Variants in BANK1 observed in about 807,000 individuals in gnomAD.
BANK1 encodes B-cell scaffold protein with ankyrin repeats.
A neutral mutation model predicts 94.5 loss-of-function variants in BANK1; 95 were observed. That is an observed-to-expected ratio of 1.00 (90% confidence interval 0.85 to 1.19). BANK1 has a LOEUF of 1.19. Ranked by LOEUF, BANK1 falls within the 50% of genes most tolerant of loss-of-function variation. The pLI is 0.00. For missense variants in BANK1, 987 were observed against 932.2 expected (o/e 1.06, Z -0.77); for synonymous variants, 334 against 308.4 (o/e 1.08, Z -0.87).
At chr4:101,992,907 A>T (rs1357224726) in intron 7 of BANK1, among the ~76,000 whole-genome samples, 3 of 152,192 alleles carry the variant, frequency 2.0e-5, no homozygotes, top group African/African-American at 7.2e-5. Context: ...TCTGTCGCCC[A>T]GAACTGAGGG....
chr4:101,926,156 C>G (rs958362700), intron 7 of BANK1, among the ~76,000 whole-genome samples: 8 of 151,584 alleles, frequency 5.3e-5, no homozygotes, highest in Non-Finnish European at 1.0e-4. Flanking sequence ...CTACTAGTAT[C>G]ATGAAATGGT....
In BANK1 at chr4:102,074,318, T is replaced by A. The variant is rs916453024; in HGVS notation, c.*319T>A. 3 of 152,164 alleles carry A rather than the reference T, an allele frequency of 2.0e-5. No homozygotes were observed. The highest frequency in any genetic ancestry group is 2.0e-4 in the Admixed American group (3 of 15,268). The allele number at this position is 152,164 out of a possible 1,614,324, so 9.4% of individuals were successfully genotyped here. The stretch of plus-strand genomic sequence containing the variant: ...AAGAAAACAGCACAGAGAAGTTAAA[T>A]GCGGTGTAGCAAAGTTATGGGGTCT... On this transcript the variant is annotated 3_prime_UTR_variant, in exon 17 of 17. Transcript: ENST00000322953.
chr4:101,886,285 C>A (rs956472955), intron 5 of BANK1, among the ~76,000 whole-genome samples: 1 of 152,172 alleles, frequency 6.6e-6, no homozygotes, highest in South Asian at 2.1e-4. Context: ...CTAGCACAGG[C>A]ACAGCCCCTT....
At chr4:101,999,459 T>C (rs1725989858) in intron 7 of BANK1, among the ~76,000 whole-genome samples, 1 of 152,218 alleles carries the variant, frequency 6.6e-6, no homozygotes, top group Non-Finnish European at 1.5e-5. Context: ...CATCAGCAAA[T>C]AGTTTTAAAC....
chr4:102,022,424 C>G (rs1199536242), intron 8 of BANK1, among the ~76,000 whole-genome samples: 2 of 152,130 alleles, frequency 1.3e-5, no homozygotes, highest in African/African-American at 4.8e-5. Context: ...AAAACATTCC[C>G]AGCATTCAGC....
rs577147528 is a variant in BANK1 at position 101,863,170 on chromosome 4, A to G, written c.763+506A>G. Among the ~76,000 whole-genome samples, 30 of 152,054 alleles carry G rather than the reference A, an allele frequency of 2.0e-4. No homozygotes were observed. The South Asian group carries it at 4.8e-3, about 24-fold the overall frequency. ...TCATCTTTTCCTCATCTCACTTACAAAGCTAATCATTTGATTATCCAGCTT... is the reference window on the plus strand; with the variant it reads ...TCATCTTTTCCTCATCTCACTTACAGAGCTAATCATTTGATTATCCAGCTT... On this transcript the variant is annotated intron_variant, in intron 4 of 16. Coordinates refer to ENST00000322953, the MANE Select transcript of BANK1 (RefSeq NM_017935.5).
At chr4:101,959,659 T>C (rs1724497839) in intron 7 of BANK1, among the ~76,000 whole-genome samples, 1 of 152,184 alleles carries the variant, frequency 6.6e-6, no homozygotes, top group African/African-American at 2.4e-5. Flanking sequence ...TAGCAATAAT[T>C]GGAAAGGCAG....
At chr4:101,946,773 A>G (rs558827268) in intron 7 of BANK1, among the ~76,000 whole-genome samples, 2 of 152,104 alleles carry the variant, frequency 1.3e-5, no homozygotes, top group Non-Finnish European at 1.5e-5. Context: ...CCGAAAACAG[A>G]TGAAAGATCT....
chr4:102,001,772 C>T (rs1726084459), intron 7 of BANK1, among the ~76,000 whole-genome samples: 1 of 152,142 alleles, frequency 6.6e-6, no homozygotes, highest in Admixed American at 6.5e-5. Flanking sequence ...AAGCCAGGAC[C>T]TGCAGGGGTA....
intron 1 of BANK1, among the ~76,000 whole-genome samples, chr4:101,826,438 A>G (rs1726369064): frequency 6.6e-6 from 1 of 152,038 alleles, no homozygotes; most frequent in Non-Finnish European, 1.5e-5. Flanking sequence ...ATGAAACAGC[A>G]TGTGTGAAAC....
intron 1 of BANK1, among the ~76,000 whole-genome samples, chr4:101,811,448 C>T (rs1199614808): frequency 6.6e-6 from 1 of 151,946 alleles, no homozygotes; most frequent in Non-Finnish European, 1.5e-5. Context: ...TTTACACATT[C>T]TAGAATATTT....
chr4:101,992,622 T>G lies in BANK1; in HGVS notation c.1207-28892T>G, dbSNP rs941089986. On this transcript the variant is annotated intron_variant, in intron 7 of 16. Coordinates refer to ENST00000322953, the MANE Select transcript of BANK1 (RefSeq NM_017935.5). Reference sequence around the variant, plus strand: ...TTCAGGATTTTTCTTTTTACATATCTCTTTGGAGTATGACTAATTCTGCAC... The same window carrying G: ...TTCAGGATTTTTCTTTTTACATATCGCTTTGGAGTATGACTAATTCTGCAC... 5.3e-5 allele frequency among the ~76,000 whole-genome samples: 8 copies of G among 152,272 alleles called. No individual in the cohort carries two copies. The South Asian group carries it at 1.7e-3, about 32-fold the overall frequency.
intron 7 of BANK1, among the ~76,000 whole-genome samples, chr4:102,015,456 C>G (rs1224529364): frequency 6.6e-6 from 1 of 151,992 alleles, no homozygotes; most frequent in Non-Finnish European, 1.5e-5. Flanking sequence ...TAGTTACATC[C>G]CCACTCCAAA....
chr4:101,943,508 G>T (rs770778698), intron 7 of BANK1, among the ~76,000 whole-genome samples: 2 of 151,770 alleles, frequency 1.3e-5, no homozygotes, highest in African/African-American at 4.8e-5. Flanking sequence ...GGGACAGAAG[G>T]CTTCTGGCTT....
chr4:101,932,339 A>G (rs2148905857), intron 7 of BANK1, among the ~76,000 whole-genome samples: 1 of 151,748 alleles, frequency 6.6e-6, no homozygotes. Context: ...ATATGTGTGC[A>G]TATGCCTATA....
chr4:101,983,591 A>G (rs1725389161), intron 7 of BANK1, among the ~76,000 whole-genome samples: 1 of 152,136 alleles, frequency 6.6e-6, no homozygotes, highest in African/African-American at 2.4e-5. Flanking sequence ...AGACAAGATT[A>G]TGAATAACTG....
intron 15 of BANK1, among the ~76,000 whole-genome samples, chr4:102,073,203 A>G (rs1728813026): frequency 6.6e-6 from 1 of 151,182 alleles, no homozygotes. Context: ...ATTCTTCTGT[A>G]GCCCACCACC....
At chr4:102,029,711 C>T (rs909388427) in intron 9 of BANK1, among the ~76,000 whole-genome samples, 4 of 151,622 alleles carry the variant, frequency 2.6e-5, no homozygotes, top group Non-Finnish European at 2.9e-5. Context: ...TTTTACTACA[C>T]GTATTTGTCT....
At chr4:101,952,264 G>T (rs1724188494) in intron 7 of BANK1, among the ~76,000 whole-genome samples, 1 of 151,978 alleles carries the variant, frequency 6.6e-6, no homozygotes, top group Non-Finnish European at 1.5e-5. Context: ...AAATGGCTTG[G>T]TTATATGTTT....
Sources: gnomAD v4.1 joint callset for allele counts (sites outside exome capture counted in the v4.1 genomes callset) on GRCh38, gnomAD v4.1.1 for gene constraint, MANE v1.5 for transcripts, NCBI Gene and HGNC (gene_info 2026-07-23, HGNC 2026-07-21) for gene names.